CSMD1: variants seen among roughly 807,000 people sequenced by gnomAD.
The protein encoded by CSMD1 is CUB and Sushi multiple domains 1, also known as CUB and sushi domain-containing protein 1.
Under a neutral mutation model 417.5 loss-of-function variants are expected in CSMD1, and 213 were observed. That is an observed-to-expected ratio of 0.51 (90% CI 0.46 to 0.57). The LOEUF (loss-of-function observed/expected upper bound fraction) is 0.57. CSMD1 is among the 20% of genes least tolerant of loss of function. The probability of loss-of-function intolerance (pLI) is 0.00; values close to 1 mark genes in which losing one functional copy is unlikely to be tolerated. For synonymous variants in CSMD1, 2,862 were observed against 1,736.8 expected, an observed-to-expected ratio of 1.65 and a Z score of -16.11; for missense variants, 6,923 against 4,529.7, an observed-to-expected ratio of 1.53 and a Z score of -15.17.
intron 3 of CSMD1, among the ~76,000 whole-genome samples, chr8:4,358,541 T>C (rs1801566998): frequency 6.6e-6 from 1 of 152,240 alleles, no homozygotes; most frequent in African/African-American, 2.4e-5. Context: ...GGTGACGATA[T>C]GGCCTACAAA....
intron 26 of CSMD1, among the ~76,000 whole-genome samples, chr8:3,267,141 C>A (rs1446890954): frequency 6.6e-6 from 1 of 152,084 alleles, no homozygotes; most frequent in East Asian, 1.9e-4. Context: ...CGTCCCGCGG[C>A]AGCCAGCGGG....
rs148904912 is a variant in CSMD1 at position 3,358,359 on chromosome 8, A to G, written c.3304+793T>C. Among the ~76,000 whole-genome samples, 14 of 152,360 alleles carry G rather than the reference A, an allele frequency of 9.2e-5. No homozygotes were observed. In the East Asian group the frequency reaches 2.7e-3, roughly 29 times the overall value. ...TGTAAGACCCAGAATATGCTGAGCAACATGGCTGGGTGGCAGGAACTAGAC... is the reference window on the plus strand; with the variant it reads ...TGTAAGACCCAGAATATGCTGAGCAGCATGGCTGGGTGGCAGGAACTAGAC... On this transcript the variant is annotated intron_variant, in intron 21 of 69. Coordinates refer to ENST00000635120, the MANE Select transcript of CSMD1 (RefSeq NM_033225.6).
rs187570893 is a variant in CSMD1 at position 3,131,524 on chromosome 8, T to G, written c.6241+10941A>C. On this transcript the variant is annotated intron_variant, in intron 41 of 69. Transcript: ENST00000635120. ...TCTCACTCTATTGCTCAGGCTAAAG[T>G]GCAGTGGCGTGATCTCTTCTCACTG... 1.1e-3 allele frequency among the ~76,000 whole-genome samples: 173 copies of G among 151,072 alleles called. 1 individual carries two copies. Among genetic ancestry groups the G allele is most frequent in the African/African-American group, 4.0e-3 (163 of 41,094 alleles).
intron 7 of CSMD1, among the ~76,000 whole-genome samples, chr8:3,660,038 G>A (rs1378951568): frequency 1.3e-5 from 2 of 152,154 alleles, no homozygotes; most frequent in Non-Finnish European, 2.9e-5. Context: ...ATTCTGTACT[G>A]TCCCTGTGTT....
At chr8:3,640,949 G>A (rs567067430) in intron 7 of CSMD1, among the ~76,000 whole-genome samples, 34 of 150,356 alleles carry the variant, frequency 2.3e-4, no homozygotes, top group African/African-American at 7.3e-4. Flanking sequence ...AGCAAAAGGC[G>A]ACAAAATCGT....
intron 3 of CSMD1, among the ~76,000 whole-genome samples, chr8:4,249,305 G>T (rs977566601): frequency 9.2e-5 from 14 of 152,162 alleles, no homozygotes; most frequent in Non-Finnish European, 1.8e-4. Context: ...GGATGAAGAT[G>T]ACCTGGCAAA....
At chr8:4,940,015 A>T (rs6998815) in intron 1 of CSMD1, among the ~76,000 whole-genome samples, 12 of 152,132 alleles carry the variant, frequency 7.9e-5, no homozygotes, top group Admixed American at 7.9e-4. Flanking sequence ...GGGAAAACTG[A>T]AAGATCCATG....
intron 4 of CSMD1, among the ~76,000 whole-genome samples, chr8:4,024,668 A>T (rs1005294952): frequency 1.3e-5 from 2 of 152,172 alleles, no homozygotes; most frequent in African/African-American, 4.8e-5. Flanking sequence ...ATTGCCAAGG[A>T]GACACTGCAT....
At chr8:4,101,252 T>A (rs1801290107) in intron 3 of CSMD1, among the ~76,000 whole-genome samples, 1 of 152,216 alleles carries the variant, frequency 6.6e-6, no homozygotes, top group African/African-American at 2.4e-5. Context: ...TCCCCTGAGG[T>A]TAACTCATTG....
intron 1 of CSMD1, among the ~76,000 whole-genome samples, chr8:4,855,598 C>G (rs908660577): frequency 6.6e-6 from 1 of 152,024 alleles, no homozygotes; most frequent in Non-Finnish European, 1.5e-5. Context: ...AACCAAGGCG[C>G]GAGAACTACG....
intron 3 of CSMD1, among the ~76,000 whole-genome samples, chr8:4,156,858 A>C (rs1464727888): frequency 6.6e-6 from 1 of 152,200 alleles, no homozygotes; most frequent in Non-Finnish European, 1.5e-5. Flanking sequence ...TTTTTAATTT[A>C]TCTGAGCTTA....
chr8:4,213,088 T>C (rs1326617122), intron 3 of CSMD1, among the ~76,000 whole-genome samples: 1 of 152,150 alleles, frequency 6.6e-6, no homozygotes, highest in Non-Finnish European at 1.5e-5. Context: ...GATGGAAGAA[T>C]ATAGATGCTT....
chr8:3,084,481 T>A (rs1043241071), intron 49 of CSMD1, among the ~76,000 whole-genome samples: 5 of 141,824 alleles, frequency 3.5e-5, no homozygotes, highest in African/African-American at 8.1e-5. Context: ...CGAGATCACA[T>A]CCATTGTACT....
chr8:4,807,275 T>C (rs528333513), intron 1 of CSMD1, among the ~76,000 whole-genome samples: 11 of 152,290 alleles, frequency 7.2e-5, no homozygotes, highest in South Asian at 2.1e-4. Flanking sequence ...CCCAGCCACA[T>C]TGACTTTGGA....
At chr8:3,293,391 AT>A (rs1358069945) in intron 25 of CSMD1, among the ~76,000 whole-genome samples, 1 of 152,008 alleles carries the variant, frequency 6.6e-6, no homozygotes, top group Non-Finnish European at 1.5e-5. Flanking sequence ...AGATTGGGGA[AT>A]TTCTCCTGGT....
intron 4 of CSMD1, among the ~76,000 whole-genome samples, chr8:4,006,210 G>T (rs2740968): frequency 0.41 from 61,745 of 151,900 alleles, 12,811 homozygotes; most frequent in East Asian, 0.6. Context: ...TGAGAATTCC[G>T]GGACAGAAAT....
chr8:3,771,234 G>A (rs752644861), intron 5 of CSMD1, among the ~76,000 whole-genome samples: 5 of 152,108 alleles, frequency 3.3e-5, no homozygotes, highest in African/African-American at 4.8e-5. Context: ...TTTTGAAATC[G>A]TGTTTGGCTC....
At chr8:3,960,274 T>C (rs555515526) in intron 5 of CSMD1, among the ~76,000 whole-genome samples, 1 of 152,192 alleles carries the variant, frequency 6.6e-6, no homozygotes, top group Non-Finnish European at 1.5e-5. Flanking sequence ...CTAAGTGCCA[T>C]CTAATAAGGA....
chr8:4,971,262 A>G (rs774238400), intron 1 of CSMD1, among the ~76,000 whole-genome samples: 3 of 152,094 alleles, frequency 2.0e-5, no homozygotes, highest in Non-Finnish European at 4.4e-5. Context: ...TATTTTATAT[A>G]AGCCTCTTAT....
Sources: gnomAD v4.1 joint callset for allele counts (sites outside exome capture counted in the v4.1 genomes callset) on GRCh38, gnomAD v4.1.1 for gene constraint, MANE v1.5 for transcripts, NCBI Gene and HGNC (gene_info 2026-07-23, HGNC 2026-07-21) for gene names.